Variants in SMC1B observed in about 807,000 individuals in gnomAD.
SMC1B encodes the protein structural maintenance of chromosomes 1B, also known as structural maintenance of chromosomes protein 1B.
SMC1B carries 60 observed loss-of-function variants against 157.9 expected under a neutral mutation model. The ratio of observed to expected loss-of-function variants is 0.38; its 90% CI spans 0.31 to 0.47. SMC1B has a LOEUF of 0.47. Ranked by LOEUF, SMC1B falls within the 20% of genes least tolerant of loss-of-function variation. The pLI is 0.99. For missense variants in SMC1B, 1,165 were observed against 1,426.2 expected (o/e 0.82, Z 2.95); for synonymous variants, 445 against 483.0 (o/e 0.92, Z 1.03).
rs140524035 is a variant in SMC1B, at chr22:45,388,564, A to T, written c.1731+1148T>A. Among the ~76,000 whole-genome samples the T allele has an allele frequency of 6.0e-3, 907 of 152,348 alleles. 4 individuals carry two copies. The highest frequency in any genetic ancestry group is 9.7e-3 in the Non-Finnish European group (661 of 68,032). ...GAGTAACACCAGCCAGCATTTGCTG[A>T]GCCCCTCCTCTGTGCAGGTCCTATG... On this transcript the variant is annotated intron_variant, in intron 10 of 24. Coordinates refer to ENST00000357450, the MANE Select transcript of SMC1B (RefSeq NM_148674.5).
chr22:45,371,092 C>T (rs2086826457), intron 14 of SMC1B, among the ~76,000 whole-genome samples: 1 of 152,072 alleles, frequency 6.6e-6, no homozygotes, highest in African/African-American at 2.4e-5. Context: ...CTGTGCCTGA[C>T]ACAGAATAGG....
intron 10 of SMC1B, among the ~76,000 whole-genome samples, chr22:45,389,055 T>A (rs136598): frequency 0.62 from 93,227 of 149,584 alleles, 31,426 homozygotes; most frequent in African/African-American, 0.89. Flanking sequence ...ATTAAGTAAC[T>A]GCTAATTAGA....
chr22:45,408,849 T>C lies in SMC1B; in HGVS notation c.159A>G (p.Ile53Met), dbSNP rs1319854570. The part of the protein sequence containing the change: ...DALSFVMGEK[I>M]ANLRVKNIQE... ...GAATATTTTTCACTCTTAAATTAGC[T>C]ATTTTCTCTCCCATTACAAAACTAA... The change falls in exon 2 of 25, where the codon ATA becomes ATG. Residue 53 changes from isoleucine to methionine, a missense_variant. Physicochemically the swap from Ile to Met is conservative, Grantham distance 10 (BLOSUM62 1). Transcript: ENST00000357450. The C allele has an allele frequency of 5.8e-6, 9 of 1,564,770 alleles. No individual in the cohort carries two copies. In the African/African-American group the frequency reaches 8.3e-5, roughly 14 times the overall value.
Position 45,372,215 on chromosome 22 carries a change from G to A in SMC1B, c.2136C>T (p.Leu712=). The A allele has an allele frequency of 1.2e-6, 2 of 1,612,446 alleles. No homozygotes were observed. The highest frequency in any genetic ancestry group is 2.7e-5 in the African/African-American group (2 of 74,946). Residue 712 remains leucine (L), a synonymous_variant, in exon 13 of 25, where the codon CTC becomes CTT. Transcript: ENST00000357450. The stretch of plus-strand genomic sequence containing the variant: ...TCTCTAGTTCATTTTGTGAATATTT[G>A]AGTCGTGTTTGAGTTCCCTGTATCA... ...QTLIQGTQTR[L]KYSQNELEMI...
intron 23 of SMC1B, among the ~76,000 whole-genome samples, chr22:45,346,254 G>T (rs2086551223): frequency 6.6e-6 from 1 of 152,072 alleles, no homozygotes; most frequent in South Asian, 2.1e-4. Context: ...TTCCTATTTT[G>T]CCAACTCAGC....
At chr22:45,354,200 CATAAA>C in intron 20 of SMC1B, 68 bp from the exon 21 acceptor site, 1 of 1,241,238 alleles carries the variant, frequency 8.1e-7, no homozygotes, top group Non-Finnish European at 1.1e-6. Flanking sequence ...AACTGTAAAG[CATAAA>C]ATATTTTTAA....
chr22:45,397,940 G>C (rs1304662585), intron 6 of SMC1B, among the ~76,000 whole-genome samples: 1 of 152,194 alleles, frequency 6.6e-6, no homozygotes, highest in East Asian at 1.9e-4. Context: ...CAAGAACTGA[G>C]GACCCACTGA....
rs765437679 is a variant in SMC1B at position 45,408,792 on chromosome 22, T to A, written c.216A>T (p.Lys72Asn). ...QELIHGAHIGKPISSSASVKI... is the reference protein window; with the variant it reads ...QELIHGAHIGNPISSSASVKI... ...TTACACTTGCAGAAGAAGAAATAGG[T>A]TTTCCAATATGTGCTCCATGAATGA... is the stretch of plus-strand genomic sequence containing the variant. Residue 72 changes from lysine to asparagine, a missense_variant, in exon 2 of 25, where the codon AAA becomes AAT. Physicochemically the swap from Lys to Asn is moderately conservative, Grantham distance 94. Transcript: ENST00000357450. 2 of 1,587,790 alleles carry A rather than the reference T, an allele frequency of 1.3e-6. No homozygotes were observed. Among genetic ancestry groups the A allele is most frequent in the Non-Finnish European group, 1.7e-6 (2 of 1,170,326 alleles).
At position 45,358,772 on chromosome 22, in the gene SMC1B, G is replaced by C. The variant is rs2086693412; in HGVS notation, c.2886C>G (p.Thr962=). Residue 962 remains threonine, a synonymous_variant, in exon 19 of 25, where the codon ACC becomes ACG. Coordinates refer to ENST00000357450, the MANE Select transcript of SMC1B (RefSeq NM_148674.5). ...TTTCATAGATATCAATTGTTGCCTG[G>C]GTACTTTCTGCTTCAGTTCCCATCT... ...EVEMGTEAES[T]QATIDIYEKE... 1.2e-6 allele frequency: 2 copies of C among 1,612,678 alleles called. No homozygotes were observed. The highest frequency in any genetic ancestry group is 2.7e-5 in the African/African-American group (2 of 74,924).
chr22:45,396,616 A>C, intron 6 of SMC1B, 130 bp from the exon 7 acceptor site: 73 of 558,960 alleles, frequency 1.3e-4, no homozygotes, highest in East Asian at 2.8e-4. Context: ...TTAAATCATA[A>C]TCGACCACCT....
chr22:45,389,032 A>T (rs1458284504), intron 10 of SMC1B, among the ~76,000 whole-genome samples: 1 of 151,834 alleles, frequency 6.6e-6, no homozygotes, highest in Non-Finnish European at 1.5e-5. Flanking sequence ...AAAAAAAGAA[A>T]AATTAAGACT....
intron 1 of SMC1B, among the ~76,000 whole-genome samples, chr22:45,413,141 G>A (rs190478653): frequency 6.6e-6 from 1 of 152,018 alleles, no homozygotes; most frequent in Non-Finnish European, 1.5e-5. Context: ...TGTCGGAGGA[G>A]GGTCGGGAGC....
At chr22:45,363,135 G>T in intron 15 of SMC1B, 109 bp from the exon 16 acceptor site, 1 of 720,326 alleles carries the variant, frequency 1.4e-6, no homozygotes, top group Non-Finnish European at 2.2e-6. Flanking sequence ...ATACTATAAT[G>T]AACTCCCAAG....
At chr22:45,395,754 G>C (rs1251993218) in intron 7 of SMC1B, among the ~76,000 whole-genome samples, 1 of 152,170 alleles carries the variant, frequency 6.6e-6, no homozygotes, top group Non-Finnish European at 1.5e-5. Flanking sequence ...CTACTCAGGA[G>C]GCTGAGACAG....
chr22:45,407,762 T>C (rs1383710060), intron 2 of SMC1B, among the ~76,000 whole-genome samples: 2 of 152,006 alleles, frequency 1.3e-5, no homozygotes, highest in African/African-American at 2.4e-5. Context: ...TTATCTTATA[T>C]AAAAATGCAG....
chr22:45,383,974 A>G (rs564911895), intron 11 of SMC1B, among the ~76,000 whole-genome samples: 83 of 152,342 alleles, frequency 5.4e-4, no homozygotes, highest in African/African-American at 2.0e-3. Flanking sequence ...TCAAATGTAC[A>G]AGTGAGATAA....
At chr22:45,386,341 T>C (rs2086989030) in intron 11 of SMC1B, among the ~76,000 whole-genome samples, 1 of 152,050 alleles carries the variant, frequency 6.6e-6, no homozygotes, top group South Asian at 2.1e-4. Flanking sequence ...GAGAGTAAAA[T>C]AGTACTTATT....
chr22:45,407,666 C>G (rs1331032013), intron 2 of SMC1B, among the ~76,000 whole-genome samples: 1 of 152,144 alleles, frequency 6.6e-6, no homozygotes, highest in Non-Finnish European at 1.5e-5. Context: ...CCAGGCTGGT[C>G]TCAAACTCCC....
intron 15 of SMC1B, among the ~76,000 whole-genome samples, chr22:45,365,216 C>A (rs766883696): frequency 6.6e-6 from 1 of 152,072 alleles, no homozygotes; most frequent in African/African-American, 2.4e-5. Flanking sequence ...CATTTATATA[C>A]GGACATTCCC....
Sources: gnomAD v4.1 joint callset for allele counts (sites outside exome capture counted in the v4.1 genomes callset) on GRCh38, gnomAD v4.1.1 for gene constraint, MANE v1.5 for transcripts, NCBI Gene and HGNC (gene_info 2026-07-23, HGNC 2026-07-21) for gene names.